VAV3: variants seen among roughly 807,000 people sequenced by gnomAD.
VAV3 encodes guanine nucleotide exchange factor VAV3.
A neutral mutation model predicts 131.2 loss-of-function variants in VAV3; 94 were observed. That is an observed-to-expected ratio of 0.72 (90% CI 0.61 to 0.85). VAV3 has a LOEUF of 0.85. Ranked by LOEUF, VAV3 falls within the 40% of genes least tolerant of loss-of-function variation. The pLI is 0.00. For synonymous variants in VAV3, 349 were observed against 342.0 expected (o/e 1.02, Z -0.22); for missense variants, 939 against 1,002.7 (o/e 0.94, Z 0.86).
chr1:107,688,546 C>T, intron 17 of VAV3, 140 bp from the exon 18 acceptor site: 1 of 1,528,124 alleles, frequency 6.5e-7, no homozygotes, highest in South Asian at 1.3e-5. Context: ...CACGGTCCCT[C>T]AGGCTGGGCT....
intron 15 of VAV3, among the ~76,000 whole-genome samples, chr1:107,748,330 C>T (rs1570888674): frequency 6.6e-6 from 1 of 152,104 alleles, no homozygotes; most frequent in East Asian, 1.9e-4. Flanking sequence ...TAAAAAGAAA[C>T]ACCTATAATG....
At chr1:107,860,596 C>T (rs1669693856) in intron 2 of VAV3, among the ~76,000 whole-genome samples, 1 of 151,550 alleles carries the variant, frequency 6.6e-6, no homozygotes, top group South Asian at 2.1e-4. Flanking sequence ...GGCTTCTATT[C>T]TCTCCTTCGA....
At chr1:107,701,605 C>T (rs1199421210) in intron 17 of VAV3, among the ~76,000 whole-genome samples, 1 of 152,176 alleles carries the variant, frequency 6.6e-6, no homozygotes, top group African/African-American at 2.4e-5. Context: ...TGAAATTCTC[C>T]CCAGAAAATG....
intron 2 of VAV3, among the ~76,000 whole-genome samples, chr1:107,851,701 G>A (rs2100957559): frequency 6.6e-6 from 1 of 152,120 alleles, no homozygotes; most frequent in East Asian, 1.9e-4. Flanking sequence ...GGATGTTGCT[G>A]GAAATAAACA....
intron 19 of VAV3, 140 bp from the exon 20 acceptor site, chr1:107,642,895 A>G: frequency 8.4e-7 from 1 of 1,186,138 alleles, no homozygotes; most frequent in South Asian, 1.6e-5. Flanking sequence ...AGTAACTATA[A>G]TAGAATGATT....
At chr1:107,868,934 A>T (rs77047250) in intron 2 of VAV3, among the ~76,000 whole-genome samples, 1 of 152,148 alleles carries the variant, frequency 6.6e-6, no homozygotes, top group East Asian at 1.9e-4. Context: ...CACAGCACTG[A>T]TTCCCACTTC....
chr1:107,907,696 C>T (rs148983193), intron 1 of VAV3, among the ~76,000 whole-genome samples: 306 of 152,264 alleles, frequency 2.0e-3, no homozygotes, highest in Non-Finnish European at 3.5e-3. Flanking sequence ...CGCTCTCTCT[C>T]TCTCTCTCAT....
chr1:107,640,956 G>A (rs1655295513), intron 20 of VAV3, among the ~76,000 whole-genome samples: 2 of 152,278 alleles, frequency 1.3e-5, no homozygotes, highest in East Asian at 1.9e-4. Context: ...GATGGAATAC[G>A]GGATAAAAAG....
chr1:107,738,385 C>A (rs1296101474), intron 15 of VAV3, among the ~76,000 whole-genome samples: 3 of 152,084 alleles, frequency 2.0e-5, no homozygotes, highest in Admixed American at 2.0e-4. Flanking sequence ...AATATATTGT[C>A]TTTTTACAAT....
rs1182084212 is a variant in VAV3, at chr1:107,613,264, G to A, written c.1981-3299C>T. On this transcript the variant is annotated intron_variant, in intron 21 of 26. Transcript: ENST00000370056. ...ATATGCTTCTTGACTCTGAAGATTA[G>A]TTTTATTATAGAATCTGGAAAGTTC... Among the ~76,000 whole-genome samples, 9 of 152,158 alleles carry A rather than the reference G, an allele frequency of 5.9e-5. No homozygotes were observed. In the South Asian group the frequency reaches 1.7e-3, roughly 28 times the overall value.
Position 107,642,869 on chromosome 1 carries a change from C to G in VAV3, c.1778-114G>C. On this transcript the variant is annotated intron_variant, in intron 19 of 26. Coordinates refer to ENST00000370056, the MANE Select transcript of VAV3 (RefSeq NM_006113.5). ...TTAAAAAGTGTTAATACCACCAAGT[C>G]CAAGTAAACATTTTAAGTAACTATA... The G allele has an allele frequency of 2.1e-6, 3 of 1,405,894 alleles. No individual in the cohort carries two copies. In the East Asian group the frequency reaches 7.3e-5, roughly 34 times the overall value. The allele number at this position is 1,405,894 out of a possible 1,614,324, so 87.1% of individuals were successfully genotyped here.
intron 9 of VAV3, among the ~76,000 whole-genome samples, chr1:107,764,700 T>C (rs1315374079): frequency 6.6e-6 from 1 of 152,168 alleles, no homozygotes; most frequent in Non-Finnish European, 1.5e-5. Context: ...CTAGTAAACA[T>C]TTTAAATCTA....
rs1234782166 is a variant in VAV3, at chr1:107,765,149, C to T, written c.848G>A (p.Ser283Asn). 1.2e-6 allele frequency: 2 copies of T among 1,613,422 alleles called. No homozygotes were observed. Among genetic ancestry groups the T allele is most frequent in the Admixed American group, 1.7e-5 (1 of 59,992 alleles). ...ACTAGAGATGGCTGACTCCACTCCA[C>T]TGCAGTACTGCCCGTAAATAACCAA... Reference protein sequence around the residue: ...ERLVIYGQYCSGVESAISSLD... With the variant: ...ERLVIYGQYCNGVESAISSLD... The change falls in exon 9 of 27, where the codon AGT becomes AAT. Residue 283 changes from serine to asparagine, a missense_variant. Physicochemically the swap from Ser to Asn is conservative, Grantham distance 46 (BLOSUM62 1). Coordinates refer to ENST00000370056, the MANE Select transcript of VAV3 (RefSeq NM_006113.5).
chr1:107,578,763 A>ATCCT lies in VAV3; in HGVS notation c.2351-4569_2351-4566dup, dbSNP rs1649833429. On this transcript the variant is annotated intron_variant, in intron 25 of 26. Transcript: ENST00000370056. ...AGCTGGGACTGTTTTCTAAGTGTCCATCCTTGTGTCTCTCTCTCTGGGACT... is the reference window on the plus strand; with the variant it reads ...AGCTGGGACTGTTTTCTAAGTGTCCATCCTTCCTTGTGTCTCTCTCTCTGGGACT... 24 of 985,118 alleles carry ATCCT rather than the reference A, an allele frequency of 2.4e-5. No individual in the cohort carries two copies. The South Asian group carries it at 9.4e-4, about 39-fold the overall frequency. The allele number at this position is 985,118 out of a possible 1,614,324, so 61.0% of individuals were successfully genotyped here.
At chr1:107,644,970 A>G (rs536703927) in intron 19 of VAV3, among the ~76,000 whole-genome samples, 1 of 104,674 alleles carries the variant, frequency 9.6e-6, no homozygotes, top group South Asian at 3.6e-4. Flanking sequence ...CAGAGTATAC[A>G]CTAGTATACT....
At chr1:107,825,689 T>G (rs7530824) in intron 2 of VAV3, among the ~76,000 whole-genome samples, 1,843 of 152,234 alleles carry the variant, frequency 0.012, 35 homozygotes, top group African/African-American at 0.043. Flanking sequence ...CTGCTTTCCA[T>G]CAAAATAAAA....
intron 9 of VAV3, among the ~76,000 whole-genome samples, chr1:107,762,503 G>A (rs1664498691): frequency 6.6e-6 from 1 of 152,074 alleles, no homozygotes; most frequent in African/African-American, 2.4e-5. Flanking sequence ...ACAGATTGTA[G>A]AGAGCTCTGG....
intron 24 of VAV3, among the ~76,000 whole-genome samples, chr1:107,596,897 C>A (rs1396268018): frequency 1.3e-5 from 2 of 152,162 alleles, no homozygotes; most frequent in African/African-American, 4.8e-5. Flanking sequence ...ATCTGCTACT[C>A]ACAGAGGTCA....
At chr1:107,783,797 C>G (rs1665831041) in intron 2 of VAV3, among the ~76,000 whole-genome samples, 1 of 151,788 alleles carries the variant, frequency 6.6e-6, no homozygotes, top group Non-Finnish European at 1.5e-5. Flanking sequence ...GCCTGTAATC[C>G]CAGCACTTTG....
Sources: allele counts gnomAD v4.1 joint callset (sites outside exome capture counted in the v4.1 genomes callset), GRCh38; gene constraint gnomAD v4.1.1; transcripts MANE v1.5; gene names NCBI Gene and HGNC (gene_info 2026-07-23, HGNC 2026-07-21).